OCA2: variants seen among roughly 807,000 people sequenced by gnomAD.
OCA2 encodes OCA2 melanosomal transmembrane protein.
A neutral mutation model predicts 100.2 loss-of-function variants in OCA2; 77 were observed. The observed-to-expected ratio is 0.77, with a 90% CI of 0.64 to 0.93. OCA2 has a LOEUF of 0.93. Among genes scored for constraint, OCA2 ranks in the 40% least tolerant of loss-of-function variants. The pLI, the probability that OCA2 is intolerant of heterozygous loss-of-function variation, is 0.00. For synonymous variants in OCA2, 432 were observed against 439.2 expected, an observed-to-expected ratio of 0.98 and a Z score of 0.21; for missense variants, 1,062 against 1,089.1, an observed-to-expected ratio of 0.98 and a Z score of 0.35.
At chr15:27,985,320 C>A (rs980462583) in intron 12 of OCA2, 132 bp from the exon 13 acceptor site, 3 of 1,082,224 alleles carry the variant, frequency 2.8e-6, no homozygotes, top group Non-Finnish European at 4.1e-6. Context: ...CATAGACCCA[C>A]GGAGTCCTAG....
In OCA2 at chr15:27,851,306, C is replaced by T. The variant is rs1309145244; in HGVS notation, c.2338+76G>A. ...TCCTTCATTTGCTTTTAATCTGATA[C>T]ACACTAACTGTTGCTTTGGGCTGAA... is the stretch of plus-strand genomic sequence containing the variant. On this transcript the variant is annotated intron_variant, in intron 22 of 23. Transcript: ENST00000354638. The T allele has an allele frequency of 1.2e-5, 14 of 1,158,666 alleles. No individual in the cohort carries two copies. The Admixed American group carries it at 1.5e-4, about 12-fold the overall frequency. 71.8% of individuals were successfully genotyped at this position (1,158,666 alleles called of 1,614,324 possible). A position where few individuals can be genotyped will look rare whatever the true frequency, so the allele number is the denominator to read the frequency against.
chr15:27,913,365 A>G (rs201318306), intron 19 of OCA2, among the ~76,000 whole-genome samples: 1 of 19,530 alleles, frequency 5.1e-5, no homozygotes, highest in Non-Finnish European at 9.1e-5. Context: ...CTTGTTTTTG[A>G]AAAAAAAAAG....
intron 9 of OCA2, among the ~76,000 whole-genome samples, chr15:28,006,781 G>A (rs1282777625): frequency 2.6e-5 from 4 of 152,230 alleles, no homozygotes; most frequent in African/African-American, 9.6e-5. Flanking sequence ...AGAGCCAATG[G>A]CTACAGATTT....
At chr15:27,838,351 CA>C (rs1248860219) in intron 23 of OCA2, among the ~76,000 whole-genome samples, 4 of 152,090 alleles carry the variant, frequency 2.6e-5, no homozygotes, top group African/African-American at 4.8e-5. Flanking sequence ...AAAATGTAAT[CA>C]GGGGCATTAA....
chr15:27,837,265 G>A (rs953951757), intron 23 of OCA2, among the ~76,000 whole-genome samples: 3 of 152,214 alleles, frequency 2.0e-5, no homozygotes, highest in Admixed American at 6.5e-5. Context: ...CAGAAAGAAC[G>A]AGTTCTGGAC....
intron 19 of OCA2, among the ~76,000 whole-genome samples, chr15:27,915,419 G>C (rs963723527): frequency 6.6e-6 from 1 of 151,868 alleles, no homozygotes; most frequent in African/African-American, 2.4e-5. Flanking sequence ...CTCAGTAAAC[G>C]GACAACCAAT....
intron 5 of OCA2, 69 bp from the exon 6 acceptor site, chr15:28,022,642 T>A: frequency 8.2e-7 from 1 of 1,218,696 alleles, no homozygotes; most frequent in Non-Finnish European, 1.2e-6. Context: ...ATCATTTTGA[T>A]AACAGTCGAA....
intron 2 of OCA2, among the ~76,000 whole-genome samples, chr15:28,040,181 A>G (rs1225780384): frequency 6.6e-6 from 1 of 152,206 alleles, no homozygotes; most frequent in African/African-American, 2.4e-5. Flanking sequence ...GAAACCAACC[A>G]TACCAGCACC....
At chr15:27,739,141 A>G in the OCA2 span, among the ~76,000 whole-genome samples, 2 of 152,180 alleles carry the variant, frequency 1.3e-5, no homozygotes, top group African/African-American at 2.4e-5. Context: ...TTAGTTCCAG[A>G]TACCTTCGTG....
chr15:28,005,332 T>A (rs2042059981), intron 9 of OCA2, among the ~76,000 whole-genome samples: 3 of 151,896 alleles, frequency 2.0e-5, no homozygotes, highest in Admixed American at 2.0e-4. Flanking sequence ...CAAGCTCACA[T>A]CTCCATTGGC....
At chr15:27,797,365 C>G (rs2151157230) in intron 23 of OCA2, among the ~76,000 whole-genome samples, 1 of 152,270 alleles carries the variant, frequency 6.6e-6, no homozygotes, top group Admixed American at 6.5e-5. Flanking sequence ...ACAAACCGTA[C>G]CCTCCAGACA....
At chr15:27,846,995 G>A (rs1048846597) in intron 22 of OCA2, among the ~76,000 whole-genome samples, 2 of 152,246 alleles carry the variant, frequency 1.3e-5, no homozygotes, top group Middle Eastern at 3.4e-3. Context: ...CAGGAGTGTC[G>A]TGTGGGTGAC....
intron 23 of OCA2, among the ~76,000 whole-genome samples, chr15:27,816,296 A>G (rs2034296671): frequency 6.6e-6 from 1 of 152,220 alleles, no homozygotes; most frequent in Admixed American, 6.5e-5. Flanking sequence ...GAAACTCAGA[A>G]TGTTCACGCA....
chr15:27,855,757 T>C (rs1456361351), intron 21 of OCA2, among the ~76,000 whole-genome samples: 2 of 152,238 alleles, frequency 1.3e-5, no homozygotes, highest in African/African-American at 4.8e-5. Flanking sequence ...CAAAAATCCC[T>C]GCCCTCATAG....
intron 10 of OCA2, 77 bp from the exon 11 acceptor site, chr15:27,989,743 C>T: frequency 7.6e-7 from 1 of 1,311,188 alleles, no homozygotes. Context: ...GCGCTGCCCC[C>T]TGCTGCAGAC....
At chr15:27,807,197 C>T (rs577522028) in intron 23 of OCA2, among the ~76,000 whole-genome samples, 3 of 152,244 alleles carry the variant, frequency 2.0e-5, no homozygotes, top group South Asian at 4.1e-4. Flanking sequence ...CTTCTGAGGG[C>T]TTCCTGTAAC....
intron 23 of OCA2, among the ~76,000 whole-genome samples, chr15:27,814,883 TATAGATAGATAGATAGATAG>T (rs201567846): frequency 7.7e-4 from 78 of 101,868 alleles, no homozygotes; most frequent in African/African-American, 1.0e-3. Flanking sequence ...ATTCTCTCTC[TATAGATAGATAGATAGATAG>T]ATAGATAGAT....
At chr15:27,871,768 G>A (rs2036584115) in intron 20 of OCA2, 95 bp downstream of exon 20, 2 of 887,864 alleles carry the variant, frequency 2.3e-6, no homozygotes, top group Non-Finnish European at 3.7e-6. Flanking sequence ...TAATTAATGG[G>A]ACCTGTTCTT....
intron 19 of OCA2, among the ~76,000 whole-genome samples, chr15:27,878,112 T>G (rs1395681104): frequency 2.6e-5 from 4 of 152,016 alleles, no homozygotes; most frequent in African/African-American, 9.7e-5. Flanking sequence ...ATACAAGCCT[T>G]GAAATGATAT....
Sources: gnomAD v4.1 joint callset for allele counts (sites outside exome capture counted in the v4.1 genomes callset) on GRCh38, gnomAD v4.1.1 for gene constraint, MANE v1.5 for transcripts, NCBI Gene and HGNC (gene_info 2026-07-23, HGNC 2026-07-21) for gene names.